The following HTR4 variants were observed in gnomAD, a reference collection of about 807,000 sequenced individuals.
HTR4 encodes 5-hydroxytryptamine receptor 4, also known as 5-hydroxytryptamine (serotonin) receptor 4, G protein-coupled.
HTR4 carries 16 observed loss-of-function variants against 36.8 expected under a neutral mutation model. The ratio of observed to expected loss-of-function variants is 0.43; its 90% CI spans 0.29 to 0.66. HTR4 has a LOEUF of 0.66. Among genes scored for constraint, HTR4 ranks in the 30% least tolerant of loss-of-function variants. The probability of loss-of-function intolerance (pLI) is 0.13; values close to 1 mark genes in which losing one functional copy is unlikely to be tolerated. For synonymous variants in HTR4, 189 were observed against 185.1 expected (o/e 1.02, Z -0.17); for missense variants, 438 against 490.9 (o/e 0.89, Z 1.02).
intron 1 of HTR4, among the ~76,000 whole-genome samples, chr5:148,651,957 A>G (rs1754052835): frequency 6.6e-6 from 1 of 152,094 alleles, no homozygotes; most frequent in Non-Finnish European, 1.5e-5. Context: ...AGCTGAAATC[A>G]TTCATCACAT....
At chr5:148,472,209 G>T (rs1755586105), downstream of HTR4, among the ~76,000 whole-genome samples, 1 of 152,128 alleles carries the variant, frequency 6.6e-6, no homozygotes, top group African/African-American at 2.4e-5. Context: ...CCAAGATCAG[G>T]CCCATAGAGA....
At chr5:148,488,653 T>C (rs571925473) in intron 6 of HTR4, among the ~76,000 whole-genome samples, 53 of 152,278 alleles carry the variant, frequency 3.5e-4, no homozygotes, top group Admixed American at 1.2e-3. Flanking sequence ...ATCAGACAGA[T>C]GAGAAAACTA....
At chr5:148,477,890 A>G (rs922716717), downstream of HTR4, among the ~76,000 whole-genome samples, 6 of 152,184 alleles carry the variant, frequency 3.9e-5, no homozygotes, top group South Asian at 2.1e-4. Context: ...CTGACTCCTT[A>G]GAATGCTTGT....
intron 2 of HTR4, chr5:148,629,964 A>G (rs1228253630): frequency 6.6e-6 from 1 of 152,164 alleles, no homozygotes; most frequent in Non-Finnish European, 1.5e-5. Context: ...TTGGGCGATG[A>G]GGTGAGAAAG....
chr5:148,634,032 A>G (rs1753434910), intron 2 of HTR4, among the ~76,000 whole-genome samples: 1 of 152,178 alleles, frequency 6.6e-6, no homozygotes, highest in Non-Finnish European at 1.5e-5. Flanking sequence ...AACTCAATTA[A>G]ATGACGCCAA....
intron 6 of HTR4, chr5:148,490,845 C>A (rs1023876491): frequency 3.8e-6 from 2 of 529,772 alleles, no homozygotes; most frequent in Admixed American, 2.3e-5. Flanking sequence ...CCTCTAACAG[C>A]CCTTTAAATA....
chr5:148,512,912 C>T (rs1029365809), intron 5 of HTR4, among the ~76,000 whole-genome samples: 1 of 151,970 alleles, frequency 6.6e-6, no homozygotes, highest in Admixed American at 6.6e-5. Context: ...GCCTGGGTGA[C>T]AGAGTGAGAC....
intron 2 of HTR4, among the ~76,000 whole-genome samples, chr5:148,562,869 C>A (rs1289727832): frequency 6.6e-6 from 1 of 152,146 alleles, no homozygotes; most frequent in Non-Finnish European, 1.5e-5. Flanking sequence ...AACCCTTTAC[C>A]AGCCATTCAA....
rs138840339 is a variant in HTR4, at chr5:148,569,768, T to G, written c.27-19506A>C. On this transcript the variant is annotated intron_variant, in intron 2 of 6. Transcript: ENST00000377888. The stretch of plus-strand genomic sequence containing the variant: ...AGAGGGAGACAGAAATGCATATGTA[T>G]GCATACATATACACATATTTAATAT... Among the ~76,000 whole-genome samples, 141 of 152,122 alleles carry G rather than the reference T, an allele frequency of 9.3e-4. 1 individual carries two copies. The South Asian group carries it at 0.015, about 16-fold the overall frequency.
intron 6 of HTR4, among the ~76,000 whole-genome samples, chr5:148,486,212 T>C (rs1756153275): frequency 6.6e-6 from 1 of 152,214 alleles, no homozygotes; most frequent in Admixed American, 6.5e-5. Flanking sequence ...TTCTCATTGT[T>C]ATATTTACAT....
At chr5:148,526,413 G>A (rs1758279240) in intron 4 of HTR4, among the ~76,000 whole-genome samples, 1 of 152,148 alleles carries the variant, frequency 6.6e-6, no homozygotes, top group Non-Finnish European at 1.5e-5. Flanking sequence ...AGGGATAAAT[G>A]AAGAATGAAT....
intron 6 of HTR4, among the ~76,000 whole-genome samples, chr5:148,507,829 T>C (rs1757299459): frequency 6.6e-6 from 1 of 152,200 alleles, no homozygotes; most frequent in East Asian, 1.9e-4. Context: ...GTTTGTAAGT[T>C]GTCAACAGCC....
chr5:148,513,883 G>T (rs1757611562), intron 5 of HTR4, among the ~76,000 whole-genome samples: 1 of 152,022 alleles, frequency 6.6e-6, no homozygotes. Flanking sequence ...TGTTGTAAAT[G>T]GTACCATGTT....
chr5:148,525,867 T>C (rs1758243079), intron 4 of HTR4, among the ~76,000 whole-genome samples: 1 of 152,200 alleles, frequency 6.6e-6, no homozygotes, highest in Non-Finnish European at 1.5e-5. Flanking sequence ...CAAATTAAAA[T>C]GAGGTCTTCA....
In HTR4 at chr5:148,565,881, T is replaced by C. The variant is rs116117141; in HGVS notation, c.27-15619A>G. 9.2e-3 allele frequency among the ~76,000 whole-genome samples: 1,396 copies of C among 152,316 alleles called. 19 individuals are homozygous for C. Among genetic ancestry groups the C allele is most frequent in the African/African-American group, 0.031 (1,290 of 41,576 alleles). The stretch of plus-strand genomic sequence containing the variant: ...CAGAATCATGTAAAGGAGGCTCATT[T>C]GGAAAAGCTGGCTGTGGCATTCCAA... On this transcript the variant is annotated intron_variant, in intron 2 of 6. Transcript: ENST00000377888.
At chr5:148,625,012 G>A (rs1753043443) in intron 2 of HTR4, among the ~76,000 whole-genome samples, 1 of 152,172 alleles carries the variant, frequency 6.6e-6, no homozygotes. Flanking sequence ...GTATAGAGAG[G>A]TCTGGGAGCA....
intron 2 of HTR4, among the ~76,000 whole-genome samples, chr5:148,586,062 T>A (rs1440103064): frequency 1.3e-5 from 2 of 152,198 alleles, no homozygotes; most frequent in African/African-American, 4.8e-5. Context: ...TCACTCACCA[T>A]TTCTTTCAGC....
intron 2 of HTR4, among the ~76,000 whole-genome samples, chr5:148,610,176 G>C (rs995737258): frequency 6.6e-6 from 1 of 152,158 alleles, no homozygotes; most frequent in Non-Finnish European, 1.5e-5. Context: ...TGGATAGAAA[G>C]CTCCTAAAGG....
At chr5:148,614,019 A>G (rs1174290139) in intron 2 of HTR4, among the ~76,000 whole-genome samples, 1 of 150,992 alleles carries the variant, frequency 6.6e-6, no homozygotes, top group African/African-American at 2.4e-5. Context: ...CCGCTGCTCA[A>G]GGAAATAAAA....
Sources: gnomAD v4.1 joint callset for allele counts (sites outside exome capture counted in the v4.1 genomes callset) on GRCh38, gnomAD v4.1.1 for gene constraint, MANE v1.5 for transcripts, NCBI Gene and HGNC (gene_info 2026-07-23, HGNC 2026-07-21) for gene names.